The following LMX1A variants were observed in gnomAD, a reference collection of about 807,000 sequenced individuals.
LMX1A encodes LIM homeobox transcription factor 1 alpha.
A neutral mutation model predicts 49.1 loss-of-function variants in LMX1A; 15 were observed. That is an observed-to-expected ratio of 0.31 (90% confidence interval 0.20 to 0.47). LMX1A has a LOEUF of 0.47. Ranked by LOEUF, LMX1A falls within the 20% of genes least tolerant of loss-of-function variation. The pLI is 1.00. For missense variants in LMX1A, 372 were observed against 475.8 expected (o/e 0.78, Z 2.03); for synonymous variants, 167 against 185.7 (o/e 0.90, Z 0.82).
At chr1:165,204,169 C>T in intron 8 of LMX1A, 129 bp from the exon 9 acceptor site, 1 of 948,160 alleles carries the variant, frequency 1.1e-6, no homozygotes, top group Non-Finnish European at 1.6e-6. Context: ...TACAAAAAGT[C>T]TATATTCTCT....
In LMX1A at chr1:165,264,560, CAGA is replaced by C. The variant is rs568979056; in HGVS notation, c.264-14923_264-14921del. On this transcript the variant is annotated intron_variant, in intron 3 of 8. Coordinates refer to ENST00000342310, the MANE Select transcript of LMX1A (RefSeq NM_177398.4). ...AATGACAAGTTAGGGTGTCCTCAAC[CAGA>C]AGAAGTCTTCAAGACAGCACGACCT... Among the ~76,000 whole-genome samples the C allele has an allele frequency of 1.6e-3, 249 of 152,282 alleles. 1 individual carries two copies. The highest frequency in any genetic ancestry group is 5.4e-3 in the South Asian group (26 of 4,814).
In LMX1A at chr1:165,202,827, C is replaced by G. The variant is rs79244563; in HGVS notation, c.*1053G>C. The G allele has an allele frequency of 9.7e-3, 1,480 of 152,766 alleles. 10 individuals carry two copies. The highest frequency in any genetic ancestry group is 0.014 in the Middle Eastern group (4 of 294). 9.5% of individuals were successfully genotyped at this position (152,766 alleles called of 1,614,324 possible). Reference sequence around the variant, plus strand: ...AACTGCCCTCTGGAGTTCAGGAGCCCTCCTGCTCTGCAACCCTATGTACCC... The same window carrying G: ...AACTGCCCTCTGGAGTTCAGGAGCCGTCCTGCTCTGCAACCCTATGTACCC... On this transcript the variant is annotated 3_prime_UTR_variant, in exon 9 of 9. Coordinates refer to ENST00000342310, the MANE Select transcript of LMX1A (RefSeq NM_177398.4).
intron 3 of LMX1A, among the ~76,000 whole-genome samples, chr1:165,319,626 C>A (rs1299806083): frequency 1.3e-5 from 2 of 151,990 alleles, no homozygotes; most frequent in Non-Finnish European, 2.9e-5. Context: ...TTCTCAAAGA[C>A]TAATGACATG....
intron 3 of LMX1A, among the ~76,000 whole-genome samples, chr1:165,298,116 G>T (rs192371315): frequency 6.6e-6 from 1 of 152,292 alleles, no homozygotes; most frequent in African/African-American, 2.4e-5. Flanking sequence ...TGTGCCAGAG[G>T]GGCATCTCCT....
At chr1:165,315,579 G>T (rs184624499) in intron 3 of LMX1A, among the ~76,000 whole-genome samples, 1 of 152,198 alleles carries the variant, frequency 6.6e-6, no homozygotes, top group Admixed American at 6.5e-5. Flanking sequence ...TATTTGGTCC[G>T]TAATCCAACA....
intron 3 of LMX1A, among the ~76,000 whole-genome samples, chr1:165,303,225 C>T (rs932322924): frequency 3.9e-5 from 6 of 152,194 alleles, no homozygotes; most frequent in Admixed American, 3.3e-4. Context: ...ACAAAACAGT[C>T]AGAGAACTCC....
rs1038797044 is a variant in LMX1A, at chr1:165,221,710, C to T, written c.497-7897G>A. ...CACTCTGAGTGCTGGCAGCCCGCCACGGCCTGGATGCCTCTCCCTTTGCTT... is the reference window on the plus strand; with the variant it reads ...CACTCTGAGTGCTGGCAGCCCGCCATGGCCTGGATGCCTCTCCCTTTGCTT... On this transcript the variant is annotated intron_variant, in intron 4 of 8. Transcript: ENST00000342310. Among the ~76,000 whole-genome samples, 18 of 152,316 alleles carry T rather than the reference C, an allele frequency of 1.2e-4. 1 individual carries two copies. Among genetic ancestry groups the T allele is most frequent in the South Asian group, 1.0e-3 (5 of 4,824 alleles).
chr1:165,271,802 G>A (rs563056377), intron 3 of LMX1A, among the ~76,000 whole-genome samples: 15 of 151,466 alleles, frequency 9.9e-5, no homozygotes, highest in African/African-American at 3.4e-4. Flanking sequence ...GGGCTGGGAA[G>A]GATTTAGGTT....
chr1:165,298,018 G>C (rs1487653596), intron 3 of LMX1A, among the ~76,000 whole-genome samples: 2 of 152,228 alleles, frequency 1.3e-5, no homozygotes, highest in Non-Finnish European at 2.9e-5. Flanking sequence ...CAGACATGTG[G>C]CATAAAGACA....
chr1:165,289,018 A>C (rs1465193941), intron 3 of LMX1A, among the ~76,000 whole-genome samples: 1 of 152,232 alleles, frequency 6.6e-6, no homozygotes, highest in African/African-American at 2.4e-5. Context: ...CAGAGCAAAC[A>C]GACTTCTGGC....
intron 3 of LMX1A, among the ~76,000 whole-genome samples, chr1:165,333,236 C>T (rs1655801982): frequency 6.6e-6 from 1 of 152,258 alleles, no homozygotes; most frequent in Admixed American, 6.5e-5. Flanking sequence ...CGGCTCACCA[C>T]AACCTCTGCC....
At chr1:165,294,486 C>A (rs956592511) in intron 3 of LMX1A, among the ~76,000 whole-genome samples, 1 of 152,092 alleles carries the variant, frequency 6.6e-6, no homozygotes, top group Admixed American at 6.5e-5. Flanking sequence ...CCACCACAGC[C>A]CCTCTGGGAT....
intron 3 of LMX1A, among the ~76,000 whole-genome samples, chr1:165,269,391 A>C (rs917034510): frequency 2.0e-5 from 3 of 152,160 alleles, no homozygotes; most frequent in Admixed American, 1.3e-4. Flanking sequence ...CACACTAGAC[A>C]TCTCCCCTGG....
At chr1:165,354,801 G>C (rs1656550755) in intron 2 of LMX1A, among the ~76,000 whole-genome samples, 1 of 152,244 alleles carries the variant, frequency 6.6e-6, no homozygotes, top group Admixed American at 6.5e-5. Flanking sequence ...CAGAGTGGGT[G>C]GGGGAGCCGT....
intron 3 of LMX1A, among the ~76,000 whole-genome samples, chr1:165,345,201 T>C (rs1057109922): frequency 6.6e-6 from 1 of 152,166 alleles, no homozygotes; most frequent in Non-Finnish European, 1.5e-5. Flanking sequence ...AAAGTCCTTT[T>C]AAAGATTCCT....
At chr1:165,227,644 T>C (rs544197901) in intron 4 of LMX1A, among the ~76,000 whole-genome samples, 1 of 152,284 alleles carries the variant, frequency 6.6e-6, no homozygotes, top group Non-Finnish European at 1.5e-5. Flanking sequence ...AACCTGGAAT[T>C]CAATGCTGGC....
intron 4 of LMX1A, among the ~76,000 whole-genome samples, chr1:165,225,808 A>G (rs990370078): frequency 2.0e-5 from 3 of 152,138 alleles, no homozygotes; most frequent in Non-Finnish European, 2.9e-5. Flanking sequence ...AGAATCACTG[A>G]TCCAGAATGT....
At chr1:165,209,668 TC>T (rs144957584) in intron 6 of LMX1A, among the ~76,000 whole-genome samples, 1 of 152,314 alleles carries the variant, frequency 6.6e-6, no homozygotes, top group Non-Finnish European at 1.5e-5. Flanking sequence ...TTCACACCCT[TC>T]CCCCATTTCT....
chr1:165,251,871 A>G (rs1180876142), intron 3 of LMX1A, among the ~76,000 whole-genome samples: 1 of 152,010 alleles, frequency 6.6e-6, no homozygotes, highest in Non-Finnish European at 1.5e-5. Context: ...TTATCCGGAG[A>G]TGTCTCAAAA....
Sources: allele counts gnomAD v4.1 joint callset (sites outside exome capture counted in the v4.1 genomes callset), GRCh38; gene constraint gnomAD v4.1.1; transcripts MANE v1.5; gene names NCBI Gene and HGNC (gene_info 2026-07-23, HGNC 2026-07-21).